The following VPS13B variants were observed in gnomAD, a reference collection of about 807,000 sequenced individuals.
VPS13B encodes vacuolar protein sorting 13 homolog B.
Under a neutral mutation model 426.4 loss-of-function variants are expected in VPS13B, and 285 were observed. The observed-to-expected ratio is 0.67, with a 90% CI of 0.61 to 0.74. The LOEUF is 0.74. Ranked by LOEUF, VPS13B falls within the 30% of genes least tolerant of loss-of-function variation. The pLI, the probability that VPS13B is intolerant of heterozygous loss-of-function variation, is 0.00. For synonymous variants in VPS13B, 1,676 were observed against 1,676.4 expected, an observed-to-expected ratio of 1.00 and a Z score of 0.01; for missense variants, 4,537 against 4,782.6, an observed-to-expected ratio of 0.95 and a Z score of 1.51.
chr8:99,416,858 T>C (rs918594543), intron 21 of VPS13B, among the ~76,000 whole-genome samples: 1 of 152,226 alleles, frequency 6.6e-6, no homozygotes, highest in African/African-American at 2.4e-5. Context: ...GTGCTGTTCC[T>C]ATTCGGCCAT....
At chr8:99,059,610 A>G (rs560474554) in intron 3 of VPS13B, among the ~76,000 whole-genome samples, 70 of 152,292 alleles carry the variant, frequency 4.6e-4, no homozygotes, top group Admixed American at 1.4e-3. Context: ...ACAATCTCCT[A>G]CAGATACTGA....
chr8:99,675,912 G>A (rs543719760), intron 35 of VPS13B, among the ~76,000 whole-genome samples: 1 of 151,836 alleles, frequency 6.6e-6, no homozygotes, highest in Non-Finnish European at 1.5e-5. Flanking sequence ...CAATTATTTT[G>A]AATTACTTGT....
chr8:99,364,333 T>A (rs1287780901), intron 19 of VPS13B, among the ~76,000 whole-genome samples: 1 of 152,226 alleles, frequency 6.6e-6, no homozygotes, highest in Non-Finnish European at 1.5e-5. Flanking sequence ...GATGAATGTT[T>A]TTTTAATTGT....
At position 99,136,752 on chromosome 8, in the gene VPS13B, G is replaced by A. The variant is rs1346704740; in HGVS notation, c.1651G>A (p.Gly551Ser). The change falls in exon 12 of 62, where the codon GGT (glycine) becomes AGT (serine). Residue 551 changes from glycine (G) to serine (S), a missense_variant and splice_region_variant. Gly to Ser is a moderately conservative substitution (Grantham distance 56, BLOSUM62 0). This residue lies in a region of VPS13B where 4,311 missense variants were observed against 4,474.3 expected (regional missense o/e 0.96). Coordinates refer to ENST00000357162, the MANE Select transcript of VPS13B (RefSeq NM_152564.5). The part of the protein sequence containing the change: ...LYTMENTSGK[G>S]STNQQDFSSG... ...TACAATGGAGAACACTAGTGGCAAAGGTATTGGCTTCTTTCCTTTATGTGT... is the reference window on the plus strand; with the variant it reads ...TACAATGGAGAACACTAGTGGCAAAAGTATTGGCTTCTTTCCTTTATGTGT... The A allele has an allele frequency of 6.2e-7, 1 of 1,613,372 alleles. No individual in the cohort carries two copies. The highest frequency in any genetic ancestry group is 8.5e-7 in the Non-Finnish European group (1 of 1,179,516).
intron 3 of VPS13B, 113 bp from the exon 4 acceptor site, chr8:99,096,199 A>C: frequency 8.1e-7 from 1 of 1,232,532 alleles, no homozygotes; most frequent in East Asian, 2.6e-5. Flanking sequence ...AAATAAAATT[A>C]TGTTGATCTT....
At chr8:99,135,353 C>CT (rs1810020006) in intron 10 of VPS13B, among the ~76,000 whole-genome samples, 4 of 152,182 alleles carry the variant, frequency 2.6e-5, no homozygotes, top group African/African-American at 9.6e-5. Flanking sequence ...GTAGTTCCAA[C>CT]TACTTTCTTA....
At chr8:99,523,762 G>A (rs919585250) in intron 30 of VPS13B, among the ~76,000 whole-genome samples, 3 of 152,006 alleles carry the variant, frequency 2.0e-5, no homozygotes, top group African/African-American at 7.2e-5. Context: ...TCTTTCCCTA[G>A]AAAAATGGGT....
chr8:99,721,285 C>A (rs1403901775), intron 39 of VPS13B, among the ~76,000 whole-genome samples: 1 of 152,192 alleles, frequency 6.6e-6, no homozygotes, highest in Non-Finnish European at 1.5e-5. Flanking sequence ...CAATTCTACT[C>A]TCCATTTTAT....
intron 19 of VPS13B, among the ~76,000 whole-genome samples, chr8:99,364,105 T>C (rs6987040): frequency 0.073 from 11,056 of 152,310 alleles, 487 homozygotes; most frequent in African/African-American, 0.12. Flanking sequence ...GGGTCTGTTA[T>C]ATATGGCTTT....
chr8:99,504,081 C>G lies in VPS13B; in HGVS notation c.4157+1131C>G, dbSNP rs556227291. Among the ~76,000 whole-genome samples the G allele has an allele frequency of 3.0e-3, 464 of 152,304 alleles. 1 individual carries two copies. The highest frequency in any genetic ancestry group is 4.3e-3 in the Non-Finnish European group (295 of 68,032). ...ATATTTGGGTCATAGGGGAGGATCTCTCATGAATGGCTTGGTGCCTCCCCA... is the reference window on the plus strand; with the variant it reads ...ATATTTGGGTCATAGGGGAGGATCTGTCATGAATGGCTTGGTGCCTCCCCA... On this transcript the variant is annotated intron_variant, in intron 27 of 61. Coordinates refer to ENST00000357162, the MANE Select transcript of VPS13B (RefSeq NM_152564.5).
rs531619892 is a variant in VPS13B, at chr8:99,875,557, C to G, written c.11885C>G (p.Pro3962Arg). The change falls in exon 62 of 62, where the codon CCC (proline) becomes CGC (arginine). Residue 3962 changes from proline (P) to arginine (R), a missense_variant. By Grantham distance (103) the Pro-to-Arg change is moderately radical. This residue lies in a region of VPS13B where 4,311 missense variants were observed against 4,474.3 expected (regional missense o/e 0.96). Transcript: ENST00000357162. Reference protein sequence around the residue: ...PCPVVAAEPPPSTVKTYHYLV... With the variant: ...PCPVVAAEPPRSTVKTYHYLV... ...CCTGTGGTGGCTGCAGAACCTCCCC[C>G]CTCCACTGTTAAAACATACCATTAC... The G allele has an allele frequency of 8.8e-5, 142 of 1,614,068 alleles. No individual in the cohort carries two copies. Among genetic ancestry groups the G allele is most frequent in the Non-Finnish European group, 1.1e-4 (129 of 1,180,046 alleles).
intron 27 of VPS13B, 42 bp downstream of exon 27, chr8:99,502,992 T>C (rs1323398990): frequency 2.0e-6 from 3 of 1,468,378 alleles, no homozygotes. Context: ...TGTATTTTTC[T>C]TTGAACAAAG....
At chr8:99,289,066 A>AATGAATGAATGAAT (rs1350775653) in intron 19 of VPS13B, among the ~76,000 whole-genome samples, 2 of 45,632 alleles carry the variant, frequency 4.4e-5, no homozygotes, top group South Asian at 1.6e-3. Flanking sequence ...AATGAATGAA[A>AATGAATGAATGAAT]GAAGGAAGGA....
At chr8:99,240,232 C>T (rs1170794743) in intron 17 of VPS13B, among the ~76,000 whole-genome samples, 2 of 152,174 alleles carry the variant, frequency 1.3e-5, no homozygotes, top group Non-Finnish European at 2.9e-5. Context: ...GCTTGAAATA[C>T]TTACCCGGTA....
intron 43 of VPS13B, among the ~76,000 whole-genome samples, chr8:99,790,969 C>G (rs1326302479): frequency 1.3e-5 from 2 of 152,144 alleles, no homozygotes; most frequent in Non-Finnish European, 2.9e-5. Flanking sequence ...TTAATACCGT[C>G]TTGAGGCCAT....
chr8:99,116,756 T>C (rs370308413), intron 7 of VPS13B, among the ~76,000 whole-genome samples: 1 of 152,162 alleles, frequency 6.6e-6, no homozygotes, highest in African/African-American at 2.4e-5. Flanking sequence ...TTGATAAAAG[T>C]TGAAGTAGTA....
At chr8:99,651,768 TTTC>T (rs1043806293) in intron 34 of VPS13B, among the ~76,000 whole-genome samples, 1 of 152,290 alleles carries the variant, frequency 6.6e-6, no homozygotes, top group African/African-American at 2.4e-5. Flanking sequence ...AAAAGTCATT[TTTC>T]TTCTTGTTTG....
intron 9 of VPS13B, 130 bp from the exon 10 acceptor site, chr8:99,134,885 T>C: frequency 3.2e-6 from 4 of 1,235,850 alleles, no homozygotes; most frequent in Non-Finnish European, 4.6e-6. Flanking sequence ...TATAAATAAA[T>C]AGTATAGAAT....
chr8:99,564,416 G>A (rs1392011892), intron 31 of VPS13B, among the ~76,000 whole-genome samples: 1 of 152,190 alleles, frequency 6.6e-6, no homozygotes, highest in African/African-American at 2.4e-5. Flanking sequence ...ACATCCGGCA[G>A]CACATCCAAC....
Sources: allele counts gnomAD v4.1 joint callset (sites outside exome capture counted in the v4.1 genomes callset), GRCh38; gene constraint gnomAD v4.1.1; regional missense constraint gnomAD v4.1.1; transcripts MANE v1.5; gene names NCBI Gene and HGNC (gene_info 2026-07-23, HGNC 2026-07-21).